Variants in WAC observed in about 807,000 individuals in gnomAD.
The protein encoded by WAC is WW domain-containing adapter protein with coiled-coil.
WAC carries 11 observed loss-of-function variants against 79.6 expected under a neutral mutation model. The ratio of observed to expected loss-of-function variants is 0.14; its 90% CI spans 0.09 to 0.23. The LOEUF (loss-of-function observed/expected upper bound fraction) is 0.23. Ranked by LOEUF, WAC falls within the 10% of genes least tolerant of loss-of-function variation. The probability of loss-of-function intolerance (pLI) is 1.00; values close to 1 mark genes in which losing one functional copy is unlikely to be tolerated. For synonymous variants in WAC, 304 were observed against 276.9 expected (o/e 1.10, Z -0.97); for missense variants, 728 against 773.5 (o/e 0.94, Z 0.70).
At chr10:28,547,064 C>T (rs1045678495) in intron 3 of WAC, among the ~76,000 whole-genome samples, 1 of 151,954 alleles carries the variant, frequency 6.6e-6, no homozygotes, top group Non-Finnish European at 1.5e-5. Flanking sequence ...GTACAAAGAT[C>T]TCTGTCAGTA....
chr10:28,580,684 C>T (rs1181497227), intron 3 of WAC, among the ~76,000 whole-genome samples: 1 of 152,042 alleles, frequency 6.6e-6, no homozygotes, highest in Admixed American at 6.6e-5. Flanking sequence ...TCTAGTAGTC[C>T]ATATTACTAG....
chr10:28,545,184 A>G (rs1158154569), intron 3 of WAC, among the ~76,000 whole-genome samples: 2 of 152,048 alleles, frequency 1.3e-5, no homozygotes, highest in Non-Finnish European at 2.9e-5. Flanking sequence ...GCAATAGTTG[A>G]TGGAGCCTAG....
chr10:28,564,235 A>G (rs1838471953), intron 3 of WAC, among the ~76,000 whole-genome samples: 2 of 152,240 alleles, frequency 1.3e-5, no homozygotes, highest in South Asian at 4.1e-4. Flanking sequence ...ACTGCACGAT[A>G]GAGCCAGACC....
intron 3 of WAC, among the ~76,000 whole-genome samples, chr10:28,569,649 C>T (rs332136): frequency 0.58 from 87,658 of 151,928 alleles, 25,857 homozygotes; most frequent in East Asian, 0.68. Flanking sequence ...TAATCTAGTT[C>T]GGCTAGAGCT....
chr10:28,561,652 G>A lies in WAC; in HGVS notation c.275-21747G>A, dbSNP rs576305028. Among the ~76,000 whole-genome samples the A allele has an allele frequency of 5.5e-4, 83 of 152,220 alleles. No individual in the cohort carries two copies. The East Asian group carries it at 7.3e-3, about 13-fold the overall frequency. On this transcript the variant is annotated intron_variant, in intron 3 of 13. Transcript: ENST00000354911. Reference sequence around the variant, plus strand: ...AATACAGGTTTTTTGAAACCCCGGCGTCTTTAACCCCTGGGCCACAGACCA... The same window carrying A: ...AATACAGGTTTTTTGAAACCCCGGCATCTTTAACCCCTGGGCCACAGACCA...
Position 28,619,575 on chromosome 10 carries a change from A to G in WAC, c.1913A>G (p.Lys638Arg). The G allele has an allele frequency of 1.9e-6, 3 of 1,581,910 alleles. No individual in the cohort carries two copies. The highest frequency in any genetic ancestry group is 2.6e-6 in the Non-Finnish European group (3 of 1,171,960). The stretch of plus-strand genomic sequence containing the variant: ...AGACAACAAATTAAGGAACTTGAAA[A>G]GCTAAAAAATCAGAATTCCTTCATG... The part of the protein sequence containing the change: ...FLRQQIKELE[K>R]LKNQNSFMV Residue 638 changes from lysine (K) to arginine (R), a missense_variant, in exon 14 of 14, where the codon AAG (lysine) becomes AGG (arginine). Transcript: ENST00000354911.
intron 3 of WAC, among the ~76,000 whole-genome samples, chr10:28,571,266 C>T (rs1426157733): frequency 6.6e-6 from 1 of 151,904 alleles, no homozygotes; most frequent in East Asian, 1.9e-4. Context: ...TTTTGTGATG[C>T]CGCGAGTACT....
At chr10:28,584,802 A>G (rs1366004219) in intron 4 of WAC, among the ~76,000 whole-genome samples, 1 of 152,186 alleles carries the variant, frequency 6.6e-6, no homozygotes, top group East Asian at 1.9e-4. Flanking sequence ...TTAGAAAATT[A>G]TACTATTGGC....
At chr10:28,548,310 C>A (rs1232485439) in intron 3 of WAC, among the ~76,000 whole-genome samples, 1 of 152,088 alleles carries the variant, frequency 6.6e-6, no homozygotes, top group African/African-American at 2.4e-5. Context: ...GAGTCATCTT[C>A]CACACTCTTT....
At chr10:28,558,176 A>C (rs748088314) in intron 3 of WAC, among the ~76,000 whole-genome samples, 2 of 152,232 alleles carry the variant, frequency 1.3e-5, no homozygotes, top group African/African-American at 2.4e-5. Context: ...TATCTACAAG[A>C]AAACTCAATC....
At chr10:28,577,836 T>G (rs904472538) in intron 3 of WAC, among the ~76,000 whole-genome samples, 3 of 152,174 alleles carry the variant, frequency 2.0e-5, no homozygotes, top group African/African-American at 7.2e-5. Context: ...CTAACTATAC[T>G]AGAACCATCC....
chr10:28,558,657 T>G (rs1838130254), intron 3 of WAC, among the ~76,000 whole-genome samples: 1 of 152,218 alleles, frequency 6.6e-6, no homozygotes, highest in African/African-American at 2.4e-5. Flanking sequence ...CTTCATTGTA[T>G]CAGAGACTAA....
chr10:28,610,098 A>AT (rs1214240176), intron 8 of WAC, among the ~76,000 whole-genome samples: 9 of 151,426 alleles, frequency 5.9e-5, no homozygotes, highest in African/African-American at 2.2e-4. Context: ...TGCCCAGCTA[A>AT]TTTTTTGTAT....
chr10:28,555,516 C>A (rs1837934043), intron 3 of WAC, among the ~76,000 whole-genome samples: 1 of 151,918 alleles, frequency 6.6e-6, no homozygotes, highest in Non-Finnish European at 1.5e-5. Flanking sequence ...GTGTTGGGCT[C>A]AACTCTGAAT....
At chr10:28,609,627 G>T (rs1254520317) in intron 8 of WAC, among the ~76,000 whole-genome samples, 1 of 152,164 alleles carries the variant, frequency 6.6e-6, no homozygotes, top group African/African-American at 2.4e-5. Flanking sequence ...AGTGGCTCAT[G>T]CCTGTAATTC....
At chr10:28,594,694 A>T (rs1236193390) in intron 6 of WAC, among the ~76,000 whole-genome samples, 1 of 152,094 alleles carries the variant, frequency 6.6e-6, no homozygotes, top group Non-Finnish European at 1.5e-5. Context: ...TTACAATTGG[A>T]GGAGCTGTGA....
At chr10:28,606,093 C>G (rs1314780775) in intron 7 of WAC, among the ~76,000 whole-genome samples, 1 of 151,272 alleles carries the variant, frequency 6.6e-6, no homozygotes, top group Admixed American at 6.6e-5. Context: ...CTCCCATTGC[C>G]TAGGCTAGAT....
intron 6 of WAC, among the ~76,000 whole-genome samples, chr10:28,593,228 C>T (rs1013855733): frequency 5.3e-5 from 8 of 152,028 alleles, no homozygotes; most frequent in African/African-American, 1.4e-4. Context: ...GTGAATAAGC[C>T]ATTCAAGTAT....
intron 7 of WAC, 70 bp downstream of exon 7, chr10:28,596,111 T>C (rs1005064483): frequency 1.2e-5 from 18 of 1,441,428 alleles, no homozygotes; most frequent in African/African-American, 2.9e-5. Context: ...TTCTTATATA[T>C]TACATTATTT....
Sources: gnomAD v4.1 joint callset for allele counts (sites outside exome capture counted in the v4.1 genomes callset) on GRCh38, gnomAD v4.1.1 for gene constraint, MANE v1.5 for transcripts, NCBI Gene and HGNC (gene_info 2026-07-23, HGNC 2026-07-21) for gene names.